Variants in ABCA13 observed in about 807,000 individuals in gnomAD.
The protein encoded by ABCA13 is ATP-binding cassette sub-family A member 13.
A neutral mutation model predicts 478.7 loss-of-function variants in ABCA13; 476 were observed. The observed-to-expected ratio is 0.99, with a 90% CI of 0.92 to 1.07. The LOEUF is 1.07. Ranked by LOEUF, ABCA13 falls within the 50% of genes least tolerant of loss-of-function variation. The pLI is 0.00. For synonymous variants in ABCA13, 2,252 were observed against 2,158.9 expected (o/e 1.04, Z -1.20); for missense variants, 6,060 against 5,910.6 (o/e 1.03, Z -0.83).
chr7:48,427,656 G>A (rs1821611328), intron 41 of ABCA13, 110 bp from the exon 42 acceptor site: 6 of 681,720 alleles, frequency 8.8e-6, no homozygotes, highest in South Asian at 7.1e-5. Context: ...TATATGGGGT[G>A]TGTTTGGCAT....
chr7:48,275,437 T>C lies in ABCA13; in HGVS notation c.5771T>C (p.Ile1924Thr), dbSNP rs768038173. 5 of 1,613,954 alleles carry C rather than the reference T, an allele frequency of 3.1e-6. No homozygotes were observed. The highest frequency in any genetic ancestry group is 4.2e-6 in the Non-Finnish European group (5 of 1,179,876). Residue 1924 changes from isoleucine (I) to threonine (T), a missense_variant, in exon 17 of 62, where the codon ATA (isoleucine) becomes ACA (threonine). Physicochemically the swap from Ile to Thr is moderately conservative, Grantham distance 89 (BLOSUM62 -1). Coordinates refer to ENST00000435803, the MANE Select transcript of ABCA13 (RefSeq NM_152701.5). ...ACTGTGCAGAAATTTTGGCATAAGATATTACCGTTTGTCCCACCTTCAATA... is the reference window on the plus strand; with the variant it reads ...ACTGTGCAGAAATTTTGGCATAAGACATTACCGTTTGTCCCACCTTCAATA... ...VKTVQKFWHK[I>T]LPFVPPSINQ...
intron 59 of ABCA13, among the ~76,000 whole-genome samples, chr7:48,625,753 T>C (rs141926387): frequency 2.0e-5 from 3 of 152,352 alleles, no homozygotes; most frequent in African/African-American, 7.2e-5. Context: ...GCTGTCACTT[T>C]ATCAAAAGTA....
intron 59 of ABCA13, among the ~76,000 whole-genome samples, chr7:48,633,915 CATAGATAGATAGATACATAG>C (rs1191819036): frequency 4.3e-5 from 5 of 117,056 alleles, no homozygotes; most frequent in South Asian, 6.1e-4. Flanking sequence ...TAGATAGATA[CATAGATAGATAGATACATAG>C]ATAGATAGAT....
intron 45 of ABCA13, among the ~76,000 whole-genome samples, chr7:48,472,498 T>G (rs779960094): frequency 6.6e-6 from 1 of 152,174 alleles, no homozygotes; most frequent in Non-Finnish European, 1.5e-5. Flanking sequence ...TGAAATGGCC[T>G]TATTGTCTAG....
In ABCA13 at chr7:48,227,239, T is replaced by A. The variant is rs377027564; in HGVS notation, c.469-23T>A. ...TAATAAAACTCCAGAGGGAAACTTT[T>A]GGTGTATTTTTTTTCCCATCAGATG... On this transcript the variant is annotated intron_variant, in intron 5 of 61. Transcript: ENST00000435803. 69 of 1,609,576 alleles carry A rather than the reference T, an allele frequency of 4.3e-5. No homozygotes were observed. In the African/African-American group the frequency reaches 7.8e-4, roughly 18 times the overall value.
At chr7:48,276,672 T>G in intron 17 of ABCA13, 107 bp downstream of exon 17, 1 of 833,000 alleles carries the variant, frequency 1.2e-6, no homozygotes, top group Non-Finnish European at 1.8e-6. Context: ...ATCTAATACC[T>G]TTGAAAGATC....
intron 27 of ABCA13, among the ~76,000 whole-genome samples, chr7:48,317,527 A>G (rs1802772673): frequency 1.3e-5 from 2 of 152,226 alleles, no homozygotes; most frequent in South Asian, 4.1e-4. Flanking sequence ...GTTATTTAGA[A>G]TAATTAATGC....
At chr7:48,496,415 A>G (rs1225950125) in intron 48 of ABCA13, among the ~76,000 whole-genome samples, 1 of 152,104 alleles carries the variant, frequency 6.6e-6, no homozygotes, top group Non-Finnish European at 1.5e-5. Flanking sequence ...TGTTTCCTAT[A>G]CACACCACAT....
chr7:48,628,884 A>G lies in ABCA13; in HGVS notation c.14837+13507A>G, dbSNP rs549103587. Among the ~76,000 whole-genome samples the G allele has an allele frequency of 5.9e-5, 9 of 152,340 alleles. No individual in the cohort carries two copies. In the South Asian group the frequency reaches 1.9e-3, roughly 32 times the overall value. ...TCAGAATGCTGCAACTAGACTGTAA[A>G]AGACGAATCAGATGAGGCCACTCAA... On this transcript the variant is annotated intron_variant, in intron 59 of 61. Transcript: ENST00000435803.
chr7:48,476,539 G>C (rs1170247521), intron 45 of ABCA13, among the ~76,000 whole-genome samples: 1 of 152,078 alleles, frequency 6.6e-6, no homozygotes, highest in Non-Finnish European at 1.5e-5. Context: ...TTGGGGAGCG[G>C]GGAGCTAGGA....
Position 48,644,736 on chromosome 7 carries a change from C to T in ABCA13, c.15063C>T (p.Asn5021=). ...TGAATATTAAGCATTATTCCATTAA[C>T]CAAACCACTTTGGAGCAGGTATAGT... ...TFLNIKHYSI[N]QTTLEQVFIN... The change falls in exon 61 of 62, where the codon AAC becomes AAT. Residue 5021 remains asparagine (N), a synonymous_variant. Transcript: ENST00000435803. 3 of 1,601,880 alleles carry T rather than the reference C, an allele frequency of 1.9e-6. No individual in the cohort carries two copies. The highest frequency in any genetic ancestry group is 2.5e-6 in the Non-Finnish European group (3 of 1,176,478).
At chr7:48,624,860 G>A (rs1793513149) in intron 59 of ABCA13, among the ~76,000 whole-genome samples, 1 of 152,046 alleles carries the variant, frequency 6.6e-6, no homozygotes, top group South Asian at 2.1e-4. Flanking sequence ...CAGCCTGTTT[G>A]TTTGTTTTTC....
At chr7:48,484,595 C>T (rs1159155888) in intron 47 of ABCA13, among the ~76,000 whole-genome samples, 2 of 152,130 alleles carry the variant, frequency 1.3e-5, no homozygotes, top group African/African-American at 4.8e-5. Flanking sequence ...GTCTGAGGCA[C>T]GGACCTCTTG....
intron 58 of ABCA13, among the ~76,000 whole-genome samples, chr7:48,602,245 A>G (rs1563492105): frequency 6.6e-6 from 1 of 152,062 alleles, no homozygotes; most frequent in Non-Finnish European, 1.5e-5. Flanking sequence ...CCATTTGTCA[A>G]TTTTGGATTT....
chr7:48,487,700 T>A (rs1216335543), intron 47 of ABCA13, among the ~76,000 whole-genome samples: 1 of 152,188 alleles, frequency 6.6e-6, no homozygotes, highest in Non-Finnish European at 1.5e-5. Flanking sequence ...AGTGGGCTTT[T>A]CTACCAGATT....
At chr7:48,348,786 A>G (rs1218488402) in intron 29 of ABCA13, among the ~76,000 whole-genome samples, 1 of 152,236 alleles carries the variant, frequency 6.6e-6, no homozygotes, top group African/African-American at 2.4e-5. Flanking sequence ...TCAGAGCCCT[A>G]CAATATTTGG....
rs1316201234 is a variant in ABCA13 at position 48,465,755 on chromosome 7, C to T, written c.12816-1201C>T. Among the ~76,000 whole-genome samples, 3 of 152,080 alleles carry T rather than the reference C, an allele frequency of 2.0e-5. No homozygotes were observed. In the East Asian group the frequency reaches 5.8e-4, roughly 29 times the overall value. On this transcript the variant is annotated intron_variant, in intron 43 of 61. Transcript: ENST00000435803. ...GATAAATTGTTGTTAACTACAGTCA[C>T]CCTGCTGTGCTATCGAACACTAGTA...
intron 23 of ABCA13, among the ~76,000 whole-genome samples, chr7:48,302,228 TCTC>T (rs1394970663): frequency 6.6e-6 from 1 of 152,222 alleles, no homozygotes; most frequent in East Asian, 1.9e-4. Flanking sequence ...GGTTTCCTCT[TCTC>T]CTACTTGCAC....
intron 1 of ABCA13, among the ~76,000 whole-genome samples, chr7:48,175,309 G>A (rs756887714): frequency 3.9e-5 from 6 of 152,038 alleles, no homozygotes; most frequent in Non-Finnish European, 7.4e-5. Flanking sequence ...TACAAATAAT[G>A]TATGGTGATC....
Sources: allele counts gnomAD v4.1 joint callset (sites outside exome capture counted in the v4.1 genomes callset), GRCh38; gene constraint gnomAD v4.1.1; transcripts MANE v1.5; gene names NCBI Gene and HGNC (gene_info 2026-07-23, HGNC 2026-07-21).